Variants in GPHN observed in about 807,000 individuals in gnomAD.
The protein encoded by GPHN is gephyrin.
GPHN carries 17 observed loss-of-function variants against 95.5 expected under a neutral mutation model. That is an observed-to-expected ratio of 0.18 (90% confidence interval 0.12 to 0.27). The LOEUF (loss-of-function observed/expected upper bound fraction) is 0.27. Ranked by LOEUF, GPHN falls within the 10% of genes least tolerant of loss-of-function variation. The pLI, the probability that GPHN is intolerant of heterozygous loss-of-function variation, is 1.00. For synonymous variants in GPHN, 320 were observed against 322.5 expected, an observed-to-expected ratio of 0.99 and a Z score of 0.08; for missense variants, 660 against 978.1, an observed-to-expected ratio of 0.67 and a Z score of 4.34.
intron 1 of GPHN, among the ~76,000 whole-genome samples, chr14:66,550,775 ACT>A (rs1242811856): frequency 6.6e-6 from 1 of 151,924 alleles, no homozygotes; most frequent in African/African-American, 2.4e-5. Flanking sequence ...TTGAGGCAAG[ACT>A]CTCCACCAGC....
At chr14:67,622,534 G>C in the GPHN span, among the ~76,000 whole-genome samples, 1 of 152,294 alleles carries the variant, frequency 6.6e-6, no homozygotes, top group African/African-American at 2.4e-5. Context: ...GTTCACCACT[G>C]AAGATTAAAG....
chr14:66,585,285 C>G (rs1371452872), intron 1 of GPHN, among the ~76,000 whole-genome samples: 1 of 152,076 alleles, frequency 6.6e-6, no homozygotes, highest in African/African-American at 2.4e-5. Context: ...CTCTTTTCTT[C>G]TTTATTAGTC....
the GPHN span, among the ~76,000 whole-genome samples, chr14:67,672,132 T>A: frequency 6.6e-6 from 1 of 152,012 alleles, no homozygotes; most frequent in Non-Finnish European, 1.5e-5. Flanking sequence ...CATTTTTTTT[T>A]TTTTTTGGGA....
chr14:66,806,924 G>T (rs1396979948), intron 3 of GPHN, among the ~76,000 whole-genome samples: 2 of 151,934 alleles, frequency 1.3e-5, no homozygotes, highest in Non-Finnish European at 2.9e-5. Flanking sequence ...ACATTTTTGG[G>T]TATCTACAGC....
the GPHN span, chr14:67,569,592 T>C: frequency 2.2e-6 from 1 of 447,236 alleles, no homozygotes. Context: ...AGCCACCAAA[T>C]CTCCACAACG....
At chr14:67,101,657 A>AACT (rs1212928520) in intron 13 of GPHN, among the ~76,000 whole-genome samples, 4 of 151,550 alleles carry the variant, frequency 2.6e-5, no homozygotes, top group African/African-American at 9.7e-5. Flanking sequence ...AGTAGAAAAA[A>AACT]ACTGAAGGAT....
intron 11 of GPHN, among the ~76,000 whole-genome samples, chr14:67,066,885 A>G (rs1043597341): frequency 6.6e-6 from 1 of 152,130 alleles, no homozygotes; most frequent in African/African-American, 2.4e-5. Flanking sequence ...ATGCTCCTTT[A>G]GCTCGGAGAA....
chr14:66,998,152 T>G (rs1295402689), intron 9 of GPHN, among the ~76,000 whole-genome samples: 1 of 152,220 alleles, frequency 6.6e-6, no homozygotes, highest in Non-Finnish European at 1.5e-5. Flanking sequence ...GGGGGCATTA[T>G]GTATGCTGTG....
intron 3 of GPHN, among the ~76,000 whole-genome samples, chr14:66,789,423 A>G (rs915164534): frequency 7.3e-4 from 111 of 152,346 alleles, no homozygotes; most frequent in African/African-American, 2.5e-3. Context: ...TGTAAACATC[A>G]TACACACAAC....
the GPHN span, among the ~76,000 whole-genome samples, chr14:67,560,206 T>G: frequency 2.0e-5 from 3 of 152,100 alleles, no homozygotes; most frequent in South Asian, 6.2e-4. Context: ...TTTTGTATTT[T>G]TAGTAGAGAC....
chr14:67,323,848 GGTAAACATGAAACA>G, the GPHN span: 1 of 1,111,274 alleles, frequency 9.0e-7, no homozygotes, highest in African/African-American at 1.6e-5. Flanking sequence ...TTCCATTGAA[GGTAAACATGAAACA>G]GTCCTGGTCT....
At chr14:67,486,328 G>T in the GPHN span, among the ~76,000 whole-genome samples, 1 of 152,238 alleles carries the variant, frequency 6.6e-6, no homozygotes, top group Non-Finnish European at 1.5e-5. Context: ...AGGCTGGGGT[G>T]CAATGGCACG....
the GPHN span, among the ~76,000 whole-genome samples, chr14:67,329,147 CTTGG>C: frequency 6.6e-6 from 1 of 152,098 alleles, no homozygotes; most frequent in African/African-American, 2.4e-5. Context: ...TCCTCTTTTA[CTTGG>C]TTGAGCAGTG....
chr14:66,641,974 G>A (rs192425005), intron 1 of GPHN, among the ~76,000 whole-genome samples: 36 of 152,222 alleles, frequency 2.4e-4, no homozygotes, highest in African/African-American at 7.0e-4. Flanking sequence ...GTAAGAGAGA[G>A]TACCAATTGT....
Position 66,922,538 on chromosome 14 carries a change from A to G in GPHN, c.457-128A>G, listed in dbSNP as rs558954236. 2.3e-4 allele frequency: 156 copies of G among 692,170 alleles called. 2 individuals carry two copies. The highest frequency in any genetic ancestry group is 2.1e-3 in the South Asian group (117 of 54,994). 42.9% of individuals were successfully genotyped at this position (692,170 alleles called of 1,614,324 possible). The stretch of plus-strand genomic sequence containing the variant: ...GCATATTGCTAAGACAATGTTTTAC[A>G]TATGATTGATTCTGAGATTGATGGA... On this transcript the variant is annotated intron_variant, in intron 6 of 22. Transcript: ENST00000478722.
At chr14:66,644,816 A>C (rs1192280698) in intron 1 of GPHN, among the ~76,000 whole-genome samples, 1 of 152,160 alleles carries the variant, frequency 6.6e-6, no homozygotes, top group African/African-American at 2.4e-5. Context: ...TAACTAAACA[A>C]ATCTGGGATT....
the GPHN span, among the ~76,000 whole-genome samples, chr14:67,412,399 G>A: frequency 6.6e-6 from 1 of 152,194 alleles, no homozygotes; most frequent in Non-Finnish European, 1.5e-5. Flanking sequence ...GGTGCTTCCC[G>A]GGCACTTAGC....
chr14:66,617,194 G>A (rs1198615365), intron 1 of GPHN, among the ~76,000 whole-genome samples: 2 of 152,210 alleles, frequency 1.3e-5, no homozygotes, highest in East Asian at 3.9e-4. Flanking sequence ...CCTACCCCAA[G>A]GAGCTGAAAT....
At chr14:67,342,494 T>TTG in the GPHN span, among the ~76,000 whole-genome samples, 1 of 150,532 alleles carries the variant, frequency 6.6e-6, no homozygotes, top group East Asian at 1.9e-4. Flanking sequence ...AGGCTCGACT[T>TTG]TACATAGTTT....
Sources: gnomAD v4.1 joint callset for allele counts (sites outside exome capture counted in the v4.1 genomes callset) on GRCh38, gnomAD v4.1.1 for gene constraint, MANE v1.5 for transcripts, NCBI Gene and HGNC (gene_info 2026-07-23, HGNC 2026-07-21) for gene names.